The following NRG3 variants were observed in gnomAD, a reference collection of about 807,000 sequenced individuals.
The protein encoded by NRG3 is pro-neuregulin-3, membrane-bound isoform.
NRG3 carries 31 observed loss-of-function variants against 66.9 expected under a neutral mutation model. The ratio of observed to expected loss-of-function variants is 0.46; its 90% confidence interval spans 0.35 to 0.63. The LOEUF is 0.63. Ranked by LOEUF, NRG3 falls within the 20% of genes least tolerant of loss-of-function variation. NRG3 has a pLI of 0.00. For synonymous variants in NRG3, 393 were observed against 359.4 expected (o/e 1.09, Z -1.06); for missense variants, 910 against 878.9 (o/e 1.04, Z -0.45).
At chr10:81,944,963 G>T (rs1379221116) in intron 1 of NRG3, among the ~76,000 whole-genome samples, 1 of 152,004 alleles carries the variant, frequency 6.6e-6, no homozygotes, top group Non-Finnish European at 1.5e-5. Context: ...ACCAACCATA[G>T]TTCCATCCAG....
rs1363052970 is a variant in NRG3, at chr10:82,103,031, C to T, written c.823+226868C>T. Among the ~76,000 whole-genome samples the T allele has an allele frequency of 2.0e-5, 3 of 152,090 alleles. No homozygotes were observed. The South Asian group carries it at 6.2e-4, about 32-fold the overall frequency. ...GCATTTCTTTCAGAACATATTTATT[C>T]TTGAGGAATTATTTCAGACTATCTT... is the stretch of plus-strand genomic sequence containing the variant. On this transcript the variant is annotated intron_variant, in intron 1 of 8. Transcript: ENST00000372141.
At chr10:82,389,593 A>G (rs1451237533) in intron 2 of NRG3, among the ~76,000 whole-genome samples, 1 of 152,196 alleles carries the variant, frequency 6.6e-6, no homozygotes, top group East Asian at 1.9e-4. Flanking sequence ...TGTACTTTTT[A>G]TATGGCAGTA....
intron 2 of NRG3, among the ~76,000 whole-genome samples, chr10:82,624,725 C>A (rs1325365810): frequency 2.0e-5 from 3 of 147,486 alleles, no homozygotes; most frequent in Non-Finnish European, 4.5e-5. Flanking sequence ...ATACTATATA[C>A]ATATATAATA....
intron 1 of NRG3, among the ~76,000 whole-genome samples, chr10:82,242,247 T>G (rs1215348969): frequency 6.6e-6 from 1 of 152,158 alleles, no homozygotes; most frequent in African/African-American, 2.4e-5. Context: ...TTGTTTTCTA[T>G]GTCTGGAATT....
rs1339158889 is a variant in NRG3 at position 82,346,025 on chromosome 10, T to C, written c.824-12714T>C. Reference sequence around the variant, plus strand: ...TCATCTGCAAACAGGGACAATTTGATTTCCTCTTTTCCTAATTGAATACCC... The same window carrying C: ...TCATCTGCAAACAGGGACAATTTGACTTCCTCTTTTCCTAATTGAATACCC... On this transcript the variant is annotated intron_variant, in intron 1 of 8. Coordinates refer to ENST00000372141, the MANE Select transcript of NRG3 (RefSeq NM_001010848.4). Among the ~76,000 whole-genome samples, 1,080 of 151,346 alleles carry C rather than the reference T, an allele frequency of 7.1e-3. 10 individuals carry two copies. The highest frequency in any genetic ancestry group is 0.024 in the African/African-American group (995 of 41,104).
chr10:82,597,671 C>T (rs1286132269), intron 2 of NRG3, among the ~76,000 whole-genome samples: 2 of 152,100 alleles, frequency 1.3e-5, no homozygotes, highest in East Asian at 3.9e-4. Context: ...GCCTGTAATC[C>T]CAGCACTTTG....
intron 1 of NRG3, among the ~76,000 whole-genome samples, chr10:82,175,886 C>G (rs2072999132): frequency 6.6e-6 from 1 of 152,148 alleles, no homozygotes; most frequent in African/African-American, 2.4e-5. Context: ...CATTTGATTT[C>G]TACAGTAACT....
chr10:82,467,197 G>A (rs969330296), intron 2 of NRG3, among the ~76,000 whole-genome samples: 3 of 152,156 alleles, frequency 2.0e-5, no homozygotes, highest in African/African-American at 7.2e-5. Flanking sequence ...GGTGTTCTGT[G>A]AGCCCATTAT....
intron 1 of NRG3, among the ~76,000 whole-genome samples, chr10:82,059,777 C>A (rs2064037547): frequency 6.6e-6 from 1 of 152,074 alleles, no homozygotes; most frequent in Admixed American, 6.5e-5. Flanking sequence ...TTTATTCTGT[C>A]CCCTCCCCTG....
chr10:82,331,978 A>G (rs1406172448), intron 1 of NRG3, among the ~76,000 whole-genome samples: 1 of 152,214 alleles, frequency 6.6e-6, no homozygotes, highest in Non-Finnish European at 1.5e-5. Flanking sequence ...TGATCCAGTG[A>G]CTACCTAACA....
intron 2 of NRG3, among the ~76,000 whole-genome samples, chr10:82,423,501 G>A (rs1173913828): frequency 3.3e-5 from 5 of 151,812 alleles, no homozygotes; most frequent in Admixed American, 2.0e-4. Context: ...AACTTAGAGT[G>A]AAGATTTAAA....
chr10:82,390,385 A>G (rs2086275463), intron 2 of NRG3, among the ~76,000 whole-genome samples: 1 of 152,070 alleles, frequency 6.6e-6, no homozygotes, highest in South Asian at 2.1e-4. Context: ...ATTTACTGAC[A>G]TTCTCCAGCA....
Position 82,210,903 on chromosome 10 carries a change from G to A in NRG3, c.824-147836G>A, listed in dbSNP as rs531720307. The stretch of plus-strand genomic sequence containing the variant: ...AGTTCCAGTAAGGAAGTAAGCATTT[G>A]CATTTCATTGGAACTTGGTAAAAAA... On this transcript the variant is annotated intron_variant, in intron 1 of 8. Transcript: ENST00000372141. 9.9e-4 allele frequency among the ~76,000 whole-genome samples: 147 copies of A among 148,966 alleles called. 2 individuals are homozygous for A. The highest frequency in any genetic ancestry group is 1.7e-3 in the Admixed American group (26 of 14,978).
intron 1 of NRG3, among the ~76,000 whole-genome samples, chr10:82,188,715 T>C (rs1433052465): frequency 6.6e-6 from 1 of 152,076 alleles, no homozygotes; most frequent in Non-Finnish European, 1.5e-5. Flanking sequence ...CTCAACATCA[T>C]TGATCATCAA....
chr10:82,344,397 C>G (rs527935312), intron 1 of NRG3, among the ~76,000 whole-genome samples: 15 of 150,870 alleles, frequency 9.9e-5, no homozygotes, highest in Non-Finnish European at 1.6e-4. Context: ...ATGAACTCAT[C>G]ATTTTTTACG....
intron 1 of NRG3, among the ~76,000 whole-genome samples, chr10:81,955,716 G>T (rs894408702): frequency 1.3e-5 from 2 of 152,046 alleles, no homozygotes; most frequent in African/African-American, 4.8e-5. Flanking sequence ...GTGTAGCCCT[G>T]ATTTATCCTT....
At chr10:82,256,348 T>C (rs527989641) in intron 1 of NRG3, among the ~76,000 whole-genome samples, 1 of 152,308 alleles carries the variant, frequency 6.6e-6, no homozygotes, top group South Asian at 2.1e-4. Context: ...TCGATGCCTT[T>C]GTTGTTGCTT....
chr10:82,460,761 T>C (rs1194164469), intron 2 of NRG3, among the ~76,000 whole-genome samples: 1 of 152,116 alleles, frequency 6.6e-6, no homozygotes, highest in Admixed American at 6.5e-5. Context: ...CTGCAGTCCC[T>C]GTGTGACCCT....
chr10:82,135,665 A>C (rs2132570141), intron 1 of NRG3, among the ~76,000 whole-genome samples: 1 of 152,168 alleles, frequency 6.6e-6, no homozygotes, highest in Admixed American at 6.6e-5. Context: ...TTTCAGCCTT[A>C]GAATTTCTTC....
Sources: allele counts gnomAD v4.1 joint callset (sites outside exome capture counted in the v4.1 genomes callset), GRCh38; gene constraint gnomAD v4.1.1; transcripts MANE v1.5; gene names NCBI Gene and HGNC (gene_info 2026-07-23, HGNC 2026-07-21).